The following CRACD variants were observed in gnomAD, a reference collection of about 807,000 sequenced individuals.
CRACD encodes capping protein inhibiting regulator of actin dynamics, also known as capping protein-inhibiting regulator of actin dynamics.
A neutral mutation model predicts 106.8 loss-of-function variants in CRACD; 56 were observed. That is an observed-to-expected ratio of 0.52 (90% CI 0.42 to 0.66). The LOEUF (loss-of-function observed/expected upper bound fraction) is 0.66, where lower values mean the gene tolerates loss of function less well. Ranked by LOEUF, CRACD falls within the 30% of genes least tolerant of loss-of-function variation. CRACD has a pLI of 0.00. For synonymous variants in CRACD, 754 were observed against 670.8 expected, an observed-to-expected ratio of 1.12 and a Z score of -1.92; for missense variants, 1,730 against 1,623.2, an observed-to-expected ratio of 1.07 and a Z score of -1.13.
At chr4:56,279,004 G>A (rs972305616) in intron 3 of CRACD, among the ~76,000 whole-genome samples, 6 of 152,190 alleles carry the variant, frequency 3.9e-5, no homozygotes, top group African/African-American at 9.7e-5. Flanking sequence ...AAGTGTTGAT[G>A]AAGATATATA....
chr4:56,199,741 T>G (rs1737796225), intron 2 of CRACD, among the ~76,000 whole-genome samples: 1 of 151,924 alleles, frequency 6.6e-6, no homozygotes, highest in Admixed American at 6.6e-5. Flanking sequence ...TTTATGCCCT[T>G]AGTTTGAAAT....
chr4:56,327,578 T>C lies in CRACD; in HGVS notation c.3542-66T>C. On this transcript the variant is annotated intron_variant, in intron 10 of 10. Transcript: ENST00000682029. ...AAATACATAGTTTATCATCTGTTAA[T>C]TAAAAAGAAAATTTGTAGTGTGGCT... The C allele has an allele frequency of 5.5e-6, 8 of 1,451,014 alleles. No individual in the cohort carries two copies. In the South Asian group the frequency reaches 9.7e-5, roughly 18 times the overall value. 89.9% of individuals were successfully genotyped at this position (1,451,014 alleles called of 1,614,324 possible).
intron 2 of CRACD, among the ~76,000 whole-genome samples, chr4:56,227,481 C>T (rs1391268347): frequency 6.8e-6 from 1 of 147,628 alleles, no homozygotes; most frequent in Non-Finnish European, 1.5e-5. Flanking sequence ...TCTGAATCTA[C>T]TGGCAGCTTC....
intron 2 of CRACD, among the ~76,000 whole-genome samples, chr4:56,269,041 C>T (rs1445935381): frequency 1.3e-5 from 2 of 152,104 alleles, no homozygotes; most frequent in South Asian, 2.1e-4. Context: ...ATGTGTTAGG[C>T]CATTCTTGCA....
chr4:56,124,056 GCCTCCCAA>G (rs781470701), intron 1 of CRACD, among the ~76,000 whole-genome samples: 2 of 152,050 alleles, frequency 1.3e-5, no homozygotes, highest in African/African-American at 2.4e-5. Context: ...TCCCGCCTCA[GCCTCCCAA>G]GTAGCTGGGA....
rs1577706242 is a variant in CRACD, at chr4:56,167,090, T to C, written c.-335-12194T>C. Among the ~76,000 whole-genome samples, 2 of 152,368 alleles carry C rather than the reference T, an allele frequency of 1.3e-5. 1 individual carries two copies. Among genetic ancestry groups the C allele is most frequent in the East Asian group, 3.9e-4 (2 of 5,190 alleles). ...GATTGTGGGTAATATTTTTCACTTC[T>C]TGATTTTTCTTTTGTGATTATTTAC... On this transcript the variant is annotated intron_variant, in intron 1 of 10. Coordinates refer to ENST00000682029, the MANE Select transcript of CRACD (RefSeq NM_001393381.1).
intron 1 of CRACD, among the ~76,000 whole-genome samples, chr4:56,135,686 G>A (rs1734977436): frequency 6.6e-6 from 1 of 152,140 alleles, no homozygotes; most frequent in Admixed American, 6.5e-5. Context: ...GAGGAAATGT[G>A]GTTGAAGGGA....
Position 56,315,772 on chromosome 4 carries a change from C to T in CRACD, c.2270C>T (p.Thr757Ile). Residue 757 changes from threonine to isoleucine, a missense_variant, in exon 8 of 11, where the codon ACA becomes ATA. Physicochemically the swap from Thr to Ile is moderately conservative, Grantham distance 89. Transcript: ENST00000682029. This position sits in a 1 kb window ranked among gnomAD's most constrained non-coding sequence, Gnocchi z 4.1. The stretch of plus-strand genomic sequence containing the variant: ...CCCATGCTGGGACCCAGCGAAGAGA[C>T]AGCCCCCCAGCCTCCTCCTGCTGGT... ...KRPMLGPSEE[T>I]APQPPPAGVR... is the part of the protein sequence containing the mutation. 1 of 1,614,234 alleles carries T rather than the reference C, an allele frequency of 6.2e-7. No individual in the cohort carries two copies.
intron 2 of CRACD, among the ~76,000 whole-genome samples, chr4:56,222,428 A>G (rs114561504): frequency 0.017 from 2,602 of 152,148 alleles, 71 homozygotes; most frequent in African/African-American, 0.058. Context: ...AAAACTACGT[A>G]TTGGGTACGG....
chr4:56,165,786 T>C (rs1317257006), intron 1 of CRACD, among the ~76,000 whole-genome samples: 2 of 152,130 alleles, frequency 1.3e-5, no homozygotes, highest in African/African-American at 2.4e-5. Context: ...AATTAAAAAA[T>C]AATATTTTGC....
At chr4:56,323,963 A>G (rs1746268631) in intron 9 of CRACD, 141 bp from the exon 10 acceptor site, 2 of 886,102 alleles carry the variant, frequency 2.3e-6, no homozygotes, top group Admixed American at 2.8e-5. Context: ...TTGAGCGTAC[A>G]TGGCTCATAC....
chr4:56,155,946 A>G (rs1735749512), intron 1 of CRACD, among the ~76,000 whole-genome samples: 1 of 152,068 alleles, frequency 6.6e-6, no homozygotes, highest in Non-Finnish European at 1.5e-5. Flanking sequence ...ATGGGAAAAA[A>G]TGTGTTTTGG....
intron 3 of CRACD, among the ~76,000 whole-genome samples, chr4:56,287,243 G>C (rs778553149): frequency 1.3e-5 from 2 of 151,940 alleles, no homozygotes; most frequent in Non-Finnish European, 2.9e-5. Context: ...GCCCGCTTCA[G>C]CCTCCTGAGT....
chr4:56,223,409 ATATGTGGTGTGTTCTTCCATCAGGGAC>A (rs1429663518), intron 2 of CRACD, among the ~76,000 whole-genome samples: 7 of 152,220 alleles, frequency 4.6e-5, no homozygotes, highest in African/African-American at 1.2e-4. Flanking sequence ...AGACTATTTC[ATATGTGGTGTGTTCTTCCATCAGGGAC>A]AGATCATGTC....
intron 2 of CRACD, among the ~76,000 whole-genome samples, chr4:56,194,212 AG>A (rs1737504325): frequency 6.6e-6 from 1 of 152,206 alleles, no homozygotes; most frequent in African/African-American, 2.4e-5. Flanking sequence ...CCAATCCAAC[AG>A]CGGGCATTTG....
At chr4:56,252,464 C>A (rs76997264) in intron 2 of CRACD, among the ~76,000 whole-genome samples, 2,720 of 152,282 alleles carry the variant, frequency 0.018, 94 homozygotes, top group African/African-American at 0.062. Context: ...GGTTCACTGG[C>A]ATCAGGAACT....
At chr4:56,326,832 A>G (rs879532743) in intron 10 of CRACD, among the ~76,000 whole-genome samples, 4 of 150,876 alleles carry the variant, frequency 2.7e-5, no homozygotes, top group Non-Finnish European at 5.9e-5. Flanking sequence ...CTCTGCCTGC[A>G]GGGTTCAAGT....
At chr4:56,075,160 G>A (rs1732797229) in intron 1 of CRACD, among the ~76,000 whole-genome samples, 1 of 152,068 alleles carries the variant, frequency 6.6e-6, no homozygotes, top group Non-Finnish European at 1.5e-5. Context: ...TTTTTGTTGT[G>A]TCTCTGCCAG....
chr4:56,265,307 A>C (rs1253447160), intron 2 of CRACD, among the ~76,000 whole-genome samples: 1 of 152,238 alleles, frequency 6.6e-6, no homozygotes, highest in South Asian at 2.1e-4. Flanking sequence ...GTTTGAAATC[A>C]GAAGTTGAAA....
Sources: allele counts gnomAD v4.1 joint callset (sites outside exome capture counted in the v4.1 genomes callset), GRCh38; gene constraint gnomAD v4.1.1; non-coding constraint Gnocchi (gnomAD v3.1); transcripts MANE v1.5; gene names NCBI Gene and HGNC (gene_info 2026-07-23, HGNC 2026-07-21).